Variants in TRIM71 observed in about 807,000 individuals in gnomAD.
TRIM71 encodes the protein E3 ubiquitin-protein ligase TRIM71.
Under a neutral mutation model 61.2 loss-of-function variants are expected in TRIM71, and 9 were observed. That is an observed-to-expected ratio of 0.15 (90% CI 0.09 to 0.26). The LOEUF (loss-of-function observed/expected upper bound fraction) is 0.26. Among genes scored for constraint, TRIM71 ranks in the 10% least tolerant of loss-of-function variants. The pLI is 1.00. For synonymous variants in TRIM71, 645 were observed against 553.2 expected, an observed-to-expected ratio of 1.17 and a Z score of -2.33; for missense variants, 998 against 1,238.7, an observed-to-expected ratio of 0.81 and a Z score of 2.92.
Position 32,818,073 on chromosome 3 carries a change from G to C in TRIM71, c.-8G>C, listed in dbSNP as rs377000472. Reference sequence around the variant, plus strand: ...CTGGTCTCCTCCCTCCTCCGGGCTGGGTTGCAAATGGCTTCGTTCCCCGAG... The same window carrying C: ...CTGGTCTCCTCCCTCCTCCGGGCTGCGTTGCAAATGGCTTCGTTCCCCGAG... On this transcript the variant is annotated 5_prime_UTR_variant, in exon 1 of 4. Transcript: ENST00000383763. The C allele has an allele frequency of 6.2e-6, 10 of 1,609,674 alleles. No homozygotes were observed. In the African/African-American group the frequency reaches 1.2e-4, roughly 19 times the overall value.
intron 1 of TRIM71, among the ~76,000 whole-genome samples, chr3:32,819,711 G>A (rs1696106204): frequency 6.6e-6 from 1 of 152,134 alleles, no homozygotes; most frequent in Non-Finnish European, 1.5e-5. Flanking sequence ...ATAAAGGGAC[G>A]ACGTTACCTT....
At chr3:32,837,228 C>T (rs1005964204) in intron 1 of TRIM71, among the ~76,000 whole-genome samples, 1 of 152,118 alleles carries the variant, frequency 6.6e-6, no homozygotes, top group African/African-American at 2.4e-5. Flanking sequence ...GTCGTGTAAG[C>T]ATTGATATAA....
chr3:32,853,118 CTCTTT>C (rs1434456409), intron 1 of TRIM71, among the ~76,000 whole-genome samples: 19 of 110,970 alleles, frequency 1.7e-4, no homozygotes, highest in South Asian at 3.2e-4. Flanking sequence ...CTCTCTCTCT[CTCTTT>C]TTTTTTTTTT....
At chr3:32,825,244 A>C (rs1055666258) in intron 1 of TRIM71, among the ~76,000 whole-genome samples, 5 of 152,312 alleles carry the variant, frequency 3.3e-5, no homozygotes, top group African/African-American at 1.2e-4. Flanking sequence ...AGGAACTAAT[A>C]ATCGTGCATA....
At chr3:32,889,500 A>G (rs1332152788) in intron 3 of TRIM71, among the ~76,000 whole-genome samples, 2 of 135,030 alleles carry the variant, frequency 1.5e-5, no homozygotes, top group East Asian at 1.9e-4. Flanking sequence ...GAAAAGTTGC[A>G]GTAATAGTAA....
chr3:32,838,471 C>T (rs898127979), intron 1 of TRIM71, among the ~76,000 whole-genome samples: 1 of 151,546 alleles, frequency 6.6e-6, no homozygotes, highest in Non-Finnish European at 1.5e-5. Context: ...GATCCACCCG[C>T]CTCTGCCTCC....
chr3:32,891,836 TG>T lies in TRIM71; in HGVS notation c.*29del. On this transcript the variant is annotated 3_prime_UTR_variant, in exon 4 of 4. Coordinates refer to ENST00000383763, the MANE Select transcript of TRIM71 (RefSeq NM_001039111.3). This position sits in a 1 kb window ranked among gnomAD's most constrained non-coding sequence, Gnocchi z 8.2. ...ATTGCATTTCCTAGGTTTCTGTGTT[TG>T]GGGTGTGTGTGCGTGTCTCTCTCTC... The T allele has an allele frequency of 6.2e-7, 1 of 1,606,232 alleles. No homozygotes were observed. The highest frequency in any genetic ancestry group is 8.5e-7 in the Non-Finnish European group (1 of 1,177,634).
chr3:32,886,647 A>G (rs1414048913), intron 3 of TRIM71, among the ~76,000 whole-genome samples: 1 of 152,228 alleles, frequency 6.6e-6, no homozygotes, highest in African/African-American at 2.4e-5. Context: ...AGTTAGGTCT[A>G]TGAAAGGGCC....
chr3:32,821,336 T>C (rs964800304), intron 1 of TRIM71, among the ~76,000 whole-genome samples: 3 of 152,130 alleles, frequency 2.0e-5, no homozygotes, highest in Non-Finnish European at 4.4e-5. Flanking sequence ...GTCCACAGGC[T>C]CCGTTAAATA....
rs773711982 is a variant in TRIM71, at chr3:32,891,190, C to T, written c.1986C>T (p.Asp662=). The change falls in exon 4 of 4, where the codon GAC becomes GAT. Residue 662 remains aspartate, a synonymous_variant. Transcript: ENST00000383763. This position sits in a 1 kb window ranked among gnomAD's most constrained non-coding sequence, Gnocchi z 8.2. ...ACCGACCAGCCGGCGTGGCCTGTGA[C>T]GCCTCACGCAGGATCGTGGTGGCTG... ...QFDRPAGVAC[D]ASRRIVVADK... The T allele has an allele frequency of 4.8e-5, 78 of 1,613,594 alleles. 1 individual carries two copies. The highest frequency in any genetic ancestry group is 4.5e-4 in the Admixed American group (27 of 60,000).
chr3:32,818,887 A>G lies in TRIM71; in HGVS notation c.807A>G (p.Ser269=). ...PFPGPPFSIL[S]VFPERLGFCQ... Reference sequence around the variant, plus strand: ...CCGGCCCGCCCTTCTCCATCCTCTCAGTGTTTCCCGAGCGCCTCGGCTTCT... The same window carrying G: ...CCGGCCCGCCCTTCTCCATCCTCTCGGTGTTTCCCGAGCGCCTCGGCTTCT... Residue 269 remains serine, a synonymous_variant, in exon 1 of 4, where the codon TCA becomes TCG. Transcript: ENST00000383763. The G allele has an allele frequency of 6.2e-7, 1 of 1,612,286 alleles. No homozygotes were observed. The highest frequency in any genetic ancestry group is 8.5e-7 in the Non-Finnish European group (1 of 1,179,710).
chr3:32,885,332 A>C (rs556014679), intron 2 of TRIM71, among the ~76,000 whole-genome samples: 1 of 152,214 alleles, frequency 6.6e-6, no homozygotes, highest in Non-Finnish European at 1.5e-5. Context: ...CGGCTGGTAC[A>C]GGGTGGCGTG....
At chr3:32,871,483 A>G (rs1696794349) in intron 1 of TRIM71, among the ~76,000 whole-genome samples, 1 of 152,196 alleles carries the variant, frequency 6.6e-6, no homozygotes, top group African/African-American at 2.4e-5. Flanking sequence ...AAGGGTTTTC[A>G]CACTTCACAT....
chr3:32,869,479 G>A (rs1038017454), intron 1 of TRIM71, among the ~76,000 whole-genome samples: 1 of 152,190 alleles, frequency 6.6e-6, no homozygotes, highest in Non-Finnish European at 1.5e-5. Context: ...CCCTTGGTGT[G>A]TGTGTTCCTT....
In TRIM71 at chr3:32,890,229, T is replaced by C; in HGVS notation, c.1156-131T>C. 2.4e-6 allele frequency: 3 copies of C among 1,253,200 alleles called. No homozygotes were observed. Among genetic ancestry groups the C allele is most frequent in the Non-Finnish European group, 3.3e-6 (3 of 908,600 alleles). The allele number at this position is 1,253,200 out of a possible 1,614,324, so 77.6% of individuals were successfully genotyped here. A position where few individuals can be genotyped will look rare whatever the true frequency, so the allele number is the denominator to read the frequency against. The stretch of plus-strand genomic sequence containing the variant: ...TTTGCTGCTTTTGAAGAAAGACAGA[T>C]GTCTTTTGTAGACCATCCCACAATA... On this transcript the variant is annotated intron_variant, in intron 3 of 3. Transcript: ENST00000383763. The surrounding 1 kb of genome is among the most constrained non-coding windows in gnomAD (Gnocchi z 6.2).
intron 1 of TRIM71, among the ~76,000 whole-genome samples, chr3:32,842,618 G>C (rs564959912): frequency 6.6e-6 from 1 of 152,354 alleles, no homozygotes; most frequent in Admixed American, 6.5e-5. Flanking sequence ...AGTCTTGCCA[G>C]CATGTGCCTC....
intron 1 of TRIM71, among the ~76,000 whole-genome samples, chr3:32,860,662 A>G (rs1469042050): frequency 1.3e-5 from 2 of 152,068 alleles, no homozygotes; most frequent in Non-Finnish European, 2.9e-5. Flanking sequence ...AACTGCCTAG[A>G]TCACAGCCGT....
intron 3 of TRIM71, among the ~76,000 whole-genome samples, 199 bp downstream of exon 3, chr3:32,886,267 G>C (rs974881885): frequency 1.3e-5 from 2 of 152,208 alleles, no homozygotes; most frequent in African/African-American, 2.4e-5. Flanking sequence ...AAAACAACAA[G>C]AAGCCTTTTC....
At position 32,897,714 on chromosome 3, in the gene TRIM71, T is replaced by A. The variant is rs1389303972; in HGVS notation, c.*5903T>A. 6 of 152,244 alleles carry A rather than the reference T, an allele frequency of 3.9e-5. No homozygotes were observed. The highest frequency in any genetic ancestry group is 6.5e-5 in the Admixed American group (1 of 15,286). The allele number at this position is 152,244 out of a possible 1,614,324, so 9.4% of individuals were successfully genotyped here. A position where few individuals can be genotyped will look rare whatever the true frequency, so the allele number is the denominator to read the frequency against. On this transcript the variant is annotated 3_prime_UTR_variant, in exon 4 of 4. Coordinates refer to ENST00000383763, the MANE Select transcript of TRIM71 (RefSeq NM_001039111.3). ...GAGGAGGTAGCAAGGAGATGCTGTA[T>A]CAGCTACTACAGCCTTAAAACAAAG...
Sources: gnomAD v4.1 joint callset for allele counts (sites outside exome capture counted in the v4.1 genomes callset) on GRCh38, gnomAD v4.1.1 for gene constraint, Gnocchi (gnomAD v3.1) non-coding constraint, MANE v1.5 for transcripts, NCBI Gene and HGNC (gene_info 2026-07-23, HGNC 2026-07-21) for gene names.